Variants in PTPN5 observed in about 807,000 individuals in gnomAD.
PTPN5 encodes tyrosine-protein phosphatase non-receptor type 5.
A neutral mutation model predicts 73.9 loss-of-function variants in PTPN5; 29 were observed. That is an observed-to-expected ratio of 0.39 (90% CI 0.29 to 0.54). The LOEUF (loss-of-function observed/expected upper bound fraction) is 0.54. Ranked by LOEUF, PTPN5 falls within the 20% of genes least tolerant of loss-of-function variation. PTPN5 has a pLI of 0.65. For missense variants in PTPN5, 652 were observed against 751.4 expected (o/e 0.87, Z 1.55); for synonymous variants, 267 against 304.7 (o/e 0.88, Z 1.29).
chr11:18,786,423 C>G (rs968398875), intron 1 of PTPN5, among the ~76,000 whole-genome samples: 32 of 152,158 alleles, frequency 2.1e-4, no homozygotes, highest in African/African-American at 7.5e-4. Flanking sequence ...AGGATAGTCT[C>G]GATCTCCTGA....
intron 3 of PTPN5, among the ~76,000 whole-genome samples, chr11:18,755,926 C>A (rs986242952): frequency 1.3e-5 from 2 of 150,922 alleles, no homozygotes; most frequent in African/African-American, 4.9e-5. Flanking sequence ...ATTGCTTGAA[C>A]CCGGGAGGTG....
At chr11:18,732,846 C>T (rs543002393) in intron 11 of PTPN5, 144 bp from the exon 12 acceptor site, 1 of 672,144 alleles carries the variant, frequency 1.5e-6, no homozygotes, top group South Asian at 1.9e-5. Flanking sequence ...GCTGCAAACT[C>T]TATAAGCTAC....
chr11:18,733,581 G>C lies in PTPN5; in HGVS notation c.1055C>G (p.Ser352Cys). 1 of 1,614,226 alleles carries C rather than the reference G, an allele frequency of 6.2e-7. No individual in the cohort carries two copies. Among genetic ancestry groups the C allele is most frequent in the East Asian group, 2.2e-5 (1 of 44,886 alleles). ...TSPDPDDPLS[S>C]YINANYIRGY... is the part of the protein sequence containing the mutation. Reference sequence around the variant, plus strand: ...CCGGATGTAGTTGGCATTGATGTAGGAACTCAGAGGGTCGTCAGGGTCTGG... The same window carrying C: ...CCGGATGTAGTTGGCATTGATGTAGCAACTCAGAGGGTCGTCAGGGTCTGG... The change falls in exon 10 of 15, where the codon TCC becomes TGC. Residue 352 changes from serine (S) to cysteine (C), a missense_variant. Ser to Cys is a moderately radical substitution (Grantham distance 112). Coordinates refer to ENST00000358540, the MANE Select transcript of PTPN5 (RefSeq NM_006906.2). This position sits in a 1 kb window ranked among gnomAD's most constrained non-coding sequence, Gnocchi z 4.3.
intron 3 of PTPN5, among the ~76,000 whole-genome samples, chr11:18,764,360 A>T (rs1850535669): frequency 6.6e-6 from 1 of 152,216 alleles, no homozygotes; most frequent in Non-Finnish European, 1.5e-5. Context: ...ATATTCAGGA[A>T]GTTCTCACAT....
intron 3 of PTPN5, among the ~76,000 whole-genome samples, chr11:18,756,002 TAA>T (rs532445728): frequency 4.4e-5 from 5 of 113,184 alleles, no homozygotes; most frequent in Non-Finnish European, 6.9e-5. Context: ...AGACTCTAAA[TAA>T]AAAAAAAAAA....
At chr11:18,774,290 G>A (rs2134329295) in intron 1 of PTPN5, among the ~76,000 whole-genome samples, 1 of 152,350 alleles carries the variant, frequency 6.6e-6, no homozygotes, top group Admixed American at 6.5e-5. Context: ...ACCAACAAAG[G>A]CACAGCAGAG....
upstream of PTPN5, chr11:18,792,357 C>T (rs1200088524): frequency 6.6e-6 from 1 of 152,320 alleles, no homozygotes; most frequent in East Asian, 1.9e-4. Context: ...TACCAGGTGC[C>T]GAGGACTCGT....
intron 1 of PTPN5, among the ~76,000 whole-genome samples, chr11:18,789,924 C>T (rs943010903): frequency 2.6e-5 from 4 of 152,026 alleles, no homozygotes; most frequent in South Asian, 2.1e-4. Flanking sequence ...ACCACCTGTT[C>T]CCCAAAAATC....
rs892090721 is a variant in PTPN5 at position 18,728,836 on chromosome 11, G to A, written c.*98C>T. 22 of 1,155,522 alleles carry A rather than the reference G, an allele frequency of 1.9e-5. No individual in the cohort carries two copies. The East Asian group carries it at 3.6e-4, about 19-fold the overall frequency. The allele number at this position is 1,155,522 out of a possible 1,614,324, so 71.6% of individuals were successfully genotyped here. ...GACAGAGGGAGCTGACTGAAGGGGA[G>A]GAAGCGGGGAGCAGGCCCAGGACCC... On this transcript the variant is annotated 3_prime_UTR_variant, in exon 15 of 15. Coordinates refer to ENST00000358540, the MANE Select transcript of PTPN5 (RefSeq NM_006906.2). This position sits in a 1 kb window ranked among gnomAD's most constrained non-coding sequence, Gnocchi z 4.1.
intron 8 of PTPN5, among the ~76,000 whole-genome samples, chr11:18,738,946 T>C (rs1849240935): frequency 7.1e-6 from 1 of 140,208 alleles, no homozygotes; most frequent in Non-Finnish European, 1.5e-5. Flanking sequence ...CACTCCAGCC[T>C]GGGCAACAAG....
intron 3 of PTPN5, among the ~76,000 whole-genome samples, chr11:18,755,332 T>C (rs998279446): frequency 1.3e-5 from 2 of 152,222 alleles, no homozygotes; most frequent in Non-Finnish European, 2.9e-5. Context: ...CCAGACTGAC[T>C]TAGGCCATGC....
intron 4 of PTPN5, 150 bp downstream of exon 4, chr11:18,743,856 T>C (rs1849489192): frequency 1.1e-6 from 1 of 878,106 alleles, no homozygotes; most frequent in South Asian, 2.1e-5. Context: ...CTTCCCCTTA[T>C]CCCAGCCTTG....
intron 1 of PTPN5, among the ~76,000 whole-genome samples, chr11:18,778,730 T>G (rs1481282584): frequency 6.6e-6 from 1 of 152,210 alleles, no homozygotes; most frequent in Non-Finnish European, 1.5e-5. Context: ...CTGTACAGGC[T>G]GGCCATGTGC....
In PTPN5 at chr11:18,728,779, T is replaced by C; in HGVS notation, c.*155A>G. The C allele has an allele frequency of 1.6e-6, 1 of 644,700 alleles. No individual in the cohort carries two copies. The highest frequency in any genetic ancestry group is 2.6e-6 in the Non-Finnish European group (1 of 383,020). 39.9% of individuals were successfully genotyped at this position (644,700 alleles called of 1,614,324 possible). On this transcript the variant is annotated 3_prime_UTR_variant, in exon 15 of 15. Coordinates refer to ENST00000358540, the MANE Select transcript of PTPN5 (RefSeq NM_006906.2). The surrounding 1 kb of genome is among the most constrained non-coding windows in gnomAD (Gnocchi z 4.1). ...ATATGTACAGTAGGAAGAGCAATGC[T>C]GGAGGGTAGGGGTCAGGCCAGGCTG...
At chr11:18,752,209 G>A (rs1213470554) in intron 3 of PTPN5, among the ~76,000 whole-genome samples, 1 of 152,218 alleles carries the variant, frequency 6.6e-6, no homozygotes, top group African/African-American at 2.4e-5. Context: ...TCCAGCCTGG[G>A]TGACAAGCGC....
chr11:18,737,184 C>T (rs991559779), intron 9 of PTPN5, among the ~76,000 whole-genome samples: 3 of 152,118 alleles, frequency 2.0e-5, no homozygotes, highest in African/African-American at 4.8e-5. Context: ...GCAGGCTCAT[C>T]GAGGCTTGAT....
At chr11:18,770,675 T>C (rs1034437912) in intron 2 of PTPN5, among the ~76,000 whole-genome samples, 10 of 152,238 alleles carry the variant, frequency 6.6e-5, no homozygotes, top group Admixed American at 3.9e-4. Flanking sequence ...GCTCTGGGTC[T>C]GAGGCCTCAC....
chr11:18,744,957 A>G (rs1849548365), intron 3 of PTPN5, among the ~76,000 whole-genome samples: 1 of 152,224 alleles, frequency 6.6e-6, no homozygotes, highest in South Asian at 2.1e-4. Flanking sequence ...CTGAGGCCCT[A>G]TGTCTGCCCC....
intron 2 of PTPN5, among the ~76,000 whole-genome samples, chr11:18,769,343 G>A (rs72882562): frequency 0.035 from 5,306 of 152,236 alleles, 115 homozygotes; most frequent in Non-Finnish European, 0.052. Context: ...TTGTGGGAGG[G>A]GCAAGGGGAA....
Sources: allele counts gnomAD v4.1 joint callset (sites outside exome capture counted in the v4.1 genomes callset), GRCh38; gene constraint gnomAD v4.1.1; non-coding constraint Gnocchi (gnomAD v3.1); transcripts MANE v1.5; gene names NCBI Gene and HGNC (gene_info 2026-07-23, HGNC 2026-07-21).